The following VTCN1 variants were observed in gnomAD, a reference collection of about 807,000 sequenced individuals.
VTCN1 encodes V-set domain containing T cell activation inhibitor 1.
Under a neutral mutation model 26.5 loss-of-function variants are expected in VTCN1, and 26 were observed. That is an observed-to-expected ratio of 0.98 (90% CI 0.72 to 1.36). VTCN1 has a LOEUF of 1.36. Among genes scored for constraint, VTCN1 ranks in the 40% most tolerant of loss-of-function variants. VTCN1 has a pLI of 0.00. For synonymous variants in VTCN1, 116 were observed against 130.7 expected (o/e 0.89, Z 0.77); for missense variants, 298 against 337.7 (o/e 0.88, Z 0.92).
At chr1:117,174,458 A>T (rs982406232) in intron 1 of VTCN1, among the ~76,000 whole-genome samples, 1 of 152,322 alleles carries the variant, frequency 6.6e-6, no homozygotes, top group South Asian at 2.1e-4. Flanking sequence ...GCAGAATGTG[A>T]TCAGGGCTTT....
intron 2 of VTCN1, among the ~76,000 whole-genome samples, chr1:117,162,815 G>A (rs528497011): frequency 6.6e-6 from 1 of 152,302 alleles, no homozygotes; most frequent in South Asian, 2.1e-4. Context: ...TGTAGGAGTA[G>A]GAATATCTTG....
chr1:117,209,029 T>C (rs1170238967), intron 1 of VTCN1, among the ~76,000 whole-genome samples: 1 of 152,222 alleles, frequency 6.6e-6, no homozygotes, highest in East Asian at 1.9e-4. Context: ...TGAGCTTTCA[T>C]GATCCTGCTC....
At chr1:117,154,179 C>A (rs1182731012) in intron 3 of VTCN1, among the ~76,000 whole-genome samples, 1 of 152,128 alleles carries the variant, frequency 6.6e-6, no homozygotes, top group African/African-American at 2.4e-5. Context: ...GCAGGGGAGA[C>A]AAGACTCATG....
intron 1 of VTCN1, among the ~76,000 whole-genome samples, chr1:117,188,535 T>C (rs1034726768): frequency 1.2e-4 from 18 of 152,232 alleles, no homozygotes; most frequent in Admixed American, 5.2e-4. Context: ...AAAGGTCAGA[T>C]ATAAAAAGAA....
At chr1:117,190,637 C>G (rs1206666758) in intron 1 of VTCN1, among the ~76,000 whole-genome samples, 1 of 152,142 alleles carries the variant, frequency 6.6e-6, no homozygotes, top group Non-Finnish European at 1.5e-5. Flanking sequence ...CCATATCTGC[C>G]CAAGCCACTG....
chr1:117,162,798 G>A (rs140776883), intron 2 of VTCN1, among the ~76,000 whole-genome samples: 81 of 152,294 alleles, frequency 5.3e-4, no homozygotes, highest in African/African-American at 1.6e-3. Context: ...TTCAATCAGC[G>A]CTCCGTTGTA....
chr1:117,206,682 A>T (rs1649090828), intron 1 of VTCN1, among the ~76,000 whole-genome samples: 1 of 152,164 alleles, frequency 6.6e-6, no homozygotes, highest in Non-Finnish European at 1.5e-5. Flanking sequence ...GTTGATGCTG[A>T]CTATGAACAT....
rs992002917 is a variant in VTCN1 at position 117,145,439 on chromosome 1, C to T, written c.*46-214G>A. Among the ~76,000 whole-genome samples the T allele has an allele frequency of 4.6e-5, 7 of 152,134 alleles. No individual in the cohort carries two copies. ...CTTGAATCTCTCCTTAACGGGGTAT[C>T]ATCCCAGTGGCAGTCTCAAGGAAGA... On this transcript the variant is annotated intron_variant, in intron 5 of 5. Transcript: ENST00000369458. This position sits in a 1 kb window ranked among gnomAD's most constrained non-coding sequence, Gnocchi z 4.6.
In VTCN1 at chr1:117,145,758, T is replaced by C. The variant is rs1020811127; in HGVS notation, c.*46-533A>G. 6.6e-6 allele frequency among the ~76,000 whole-genome samples: 1 copy of C among 152,126 alleles called. No homozygotes were observed. The highest frequency in any genetic ancestry group is 1.5e-5 in the Non-Finnish European group (1 of 68,016). On this transcript the variant is annotated intron_variant, in intron 5 of 5. Coordinates refer to ENST00000369458, the MANE Select transcript of VTCN1 (RefSeq NM_024626.4). The surrounding 1 kb of genome is among the most constrained non-coding windows in gnomAD (Gnocchi z 4.6). ...ATGCAATCCTTCCACCTCAGCCTCC[T>C]GAGTAGCTGGGACCACAGGTGGACC... is the stretch of plus-strand genomic sequence containing the variant.
At chr1:117,156,017 T>C (rs979145350) in intron 3 of VTCN1, among the ~76,000 whole-genome samples, 5 of 152,254 alleles carry the variant, frequency 3.3e-5, no homozygotes, top group African/African-American at 1.2e-4. Context: ...TTTAATCATC[T>C]TTATACTCTC....
rs935241393 is a variant in VTCN1 at position 117,167,983 on chromosome 1, G to C, written c.97+2124C>G. Among the ~76,000 whole-genome samples, 5 of 150,876 alleles carry C rather than the reference G, an allele frequency of 3.3e-5. No homozygotes were observed. Among genetic ancestry groups the C allele is most frequent in the South Asian group, 4.2e-4 (2 of 4,772 alleles). Reference sequence around the variant, plus strand: ...AAGAAAGAAAAAGAGAAAGAGAGAAGACTAGAGAGAAAGAAAGAGAGAAAA... The same window carrying C: ...AAGAAAGAAAAAGAGAAAGAGAGAACACTAGAGAGAAAGAAAGAGAGAAAA... On this transcript the variant is annotated intron_variant, in intron 2 of 5. Transcript: ENST00000369458. This position sits in a 1 kb window ranked among gnomAD's most constrained non-coding sequence, Gnocchi z 4.1.
intron 1 of VTCN1, among the ~76,000 whole-genome samples, chr1:117,192,947 CAACT>C (rs1357695683): frequency 6.6e-6 from 1 of 151,974 alleles, no homozygotes; most frequent in Non-Finnish European, 1.5e-5. Flanking sequence ...TGGATTCAAC[CAACT>C]ATGTATCAAA....
intron 1 of VTCN1, among the ~76,000 whole-genome samples, chr1:117,196,999 T>C (rs1278399771): frequency 6.6e-6 from 1 of 152,186 alleles, no homozygotes; most frequent in Non-Finnish European, 1.5e-5. Context: ...CTCACTTCTT[T>C]ACAACTTTAT....
intron 1 of VTCN1, among the ~76,000 whole-genome samples, chr1:117,208,503 C>T (rs1649206805): frequency 6.6e-6 from 1 of 152,222 alleles, no homozygotes; most frequent in South Asian, 2.1e-4. Context: ...ATGACCTTGA[C>T]AGCATCTTAG....
chr1:117,207,281 T>G (rs577398962), intron 1 of VTCN1, among the ~76,000 whole-genome samples: 12 of 152,308 alleles, frequency 7.9e-5, no homozygotes, highest in Non-Finnish European at 1.6e-4. Context: ...GTGACATGTT[T>G]TTATCAATGC....
chr1:117,166,387 G>A (rs531440834), intron 2 of VTCN1, among the ~76,000 whole-genome samples: 4 of 152,138 alleles, frequency 2.6e-5, no homozygotes, highest in Admixed American at 2.0e-4. Flanking sequence ...AAGATTTAGA[G>A]TGACAAATAA....
intron 2 of VTCN1, among the ~76,000 whole-genome samples, chr1:117,160,967 A>G (rs1488638676): frequency 6.6e-6 from 1 of 152,202 alleles, no homozygotes; most frequent in African/African-American, 2.4e-5. Flanking sequence ...AAGGAGGAAG[A>G]GGAGACAAAA....
At chr1:117,192,833 G>C (rs962048475) in intron 1 of VTCN1, among the ~76,000 whole-genome samples, 1 of 152,036 alleles carries the variant, frequency 6.6e-6, no homozygotes, top group African/African-American at 2.4e-5. Flanking sequence ...CACAAAGGAA[G>C]ACAGAAAGAC....
chr1:117,172,963 C>T (rs535299760), intron 1 of VTCN1, among the ~76,000 whole-genome samples: 2 of 152,298 alleles, frequency 1.3e-5, no homozygotes, highest in African/African-American at 2.4e-5. Flanking sequence ...CAAACTCCTC[C>T]GGTCCCCTTC....
Sources: allele counts gnomAD v4.1 joint callset (sites outside exome capture counted in the v4.1 genomes callset), GRCh38; gene constraint gnomAD v4.1.1; non-coding constraint Gnocchi (gnomAD v3.1); transcripts MANE v1.5; gene names NCBI Gene and HGNC (gene_info 2026-07-23, HGNC 2026-07-21).